Variants in CSMD1 observed in about 807,000 individuals in gnomAD.
The protein encoded by CSMD1 is CUB and Sushi multiple domains 1.
CSMD1 carries 213 observed loss-of-function variants against 417.5 expected under a neutral mutation model. The ratio of observed to expected loss-of-function variants is 0.51; its 90% confidence interval spans 0.46 to 0.57. The LOEUF (loss-of-function observed/expected upper bound fraction) is 0.57. CSMD1 is among the 20% of genes least tolerant of loss of function. The probability of loss-of-function intolerance (pLI) is 0.00; values close to 1 mark genes in which losing one functional copy is unlikely to be tolerated. For missense variants in CSMD1, 6,923 were observed against 4,529.7 expected (o/e 1.53, Z -15.17); for synonymous variants, 2,862 against 1,736.8 (o/e 1.65, Z -16.11).
Position 3,838,515 on chromosome 8 carries a change from T to C in CSMD1, c.819-84473A>G, listed in dbSNP as rs554567292. Among the ~76,000 whole-genome samples the C allele has an allele frequency of 5.5e-5, 7 of 127,078 alleles. No homozygotes were observed. In the South Asian group the frequency reaches 1.7e-3, roughly 30 times the overall value. 83.4% of individuals were successfully genotyped at this position (127,078 alleles called of 152,430 possible). A position where few individuals can be genotyped will look rare whatever the true frequency, so the allele number is the denominator to read the frequency against. On this transcript the variant is annotated intron_variant, in intron 5 of 69. Coordinates refer to ENST00000635120, the MANE Select transcript of CSMD1 (RefSeq NM_033225.6). ...TATATAGCCTAGGCTATATATAATA[T>C]AATATAGCCTATATATATAGTCTAT...
intron 2 of CSMD1, among the ~76,000 whole-genome samples, chr8:4,498,658 A>C (rs1322100222): frequency 1.3e-5 from 2 of 152,200 alleles, no homozygotes. Flanking sequence ...TTATCTGCAA[A>C]GAGGGAGCTC....
chr8:2,957,064 T>G (rs1803066942), intron 63 of CSMD1, among the ~76,000 whole-genome samples: 1 of 152,176 alleles, frequency 6.6e-6, no homozygotes, highest in Non-Finnish European at 1.5e-5. Context: ...CGCATTTCAC[T>G]AAATTCAGAG....
At chr8:3,775,790 G>C (rs1798858336) in intron 5 of CSMD1, among the ~76,000 whole-genome samples, 1 of 152,210 alleles carries the variant, frequency 6.6e-6, no homozygotes, top group Non-Finnish European at 1.5e-5. Context: ...ACGAAGCATT[G>C]CTGGGTGCTG....
intron 5 of CSMD1, among the ~76,000 whole-genome samples, chr8:3,966,837 T>C (rs1812709677): frequency 1.3e-5 from 2 of 152,238 alleles, no homozygotes; most frequent in South Asian, 4.1e-4. Flanking sequence ...ATCAATTCTG[T>C]ACAGACACTA....
At chr8:3,459,751 C>T (rs1319992046) in intron 12 of CSMD1, among the ~76,000 whole-genome samples, 9 of 151,912 alleles carry the variant, frequency 5.9e-5, no homozygotes, top group East Asian at 1.9e-4. Flanking sequence ...ATGAGGCTGC[C>T]GGCACATGAA....
intron 12 of CSMD1, among the ~76,000 whole-genome samples, chr8:3,413,378 T>C (rs994431798): frequency 2.4e-4 from 37 of 152,300 alleles, no homozygotes; most frequent in Middle Eastern, 3.4e-3. Context: ...GAGAGACCTG[T>C]GGTTAGCTGA....
intron 1 of CSMD1, among the ~76,000 whole-genome samples, chr8:4,644,882 A>C (rs1205350351): frequency 6.6e-6 from 1 of 152,164 alleles, no homozygotes; most frequent in East Asian, 1.9e-4. Context: ...TTGACATTCA[A>C]TTGTTGAAGC....
chr8:4,732,395 C>G (rs1237328305), intron 1 of CSMD1, among the ~76,000 whole-genome samples: 2 of 133,080 alleles, frequency 1.5e-5, no homozygotes, highest in African/African-American at 5.7e-5. Context: ...TGTTTTTCCC[C>G]TGAGATTCTC....
chr8:3,603,163 A>C (rs1292992728), intron 8 of CSMD1, among the ~76,000 whole-genome samples: 1 of 152,180 alleles, frequency 6.6e-6, no homozygotes, highest in Non-Finnish European at 1.5e-5. Context: ...GGTATTTCTT[A>C]AGTAGTTCTT....
intron 7 of CSMD1, among the ~76,000 whole-genome samples, chr8:3,632,638 A>C (rs933258995): frequency 6.6e-6 from 1 of 152,254 alleles, no homozygotes; most frequent in Non-Finnish European, 1.5e-5. Context: ...GAATTCCTTT[A>C]CATTTAAAAA....
rs185926176 is a variant in CSMD1, at chr8:3,047,065, G to T, written c.7660+5397C>A. ...TCTTCTAAAAATACAAAAATTAGCT[G>T]GGTGTGGTGGCGGGTGCCTGTAATC... is the stretch of plus-strand genomic sequence containing the variant. On this transcript the variant is annotated intron_variant, in intron 50 of 69. Transcript: ENST00000635120. 6.4e-3 allele frequency among the ~76,000 whole-genome samples: 980 copies of T among 152,026 alleles called. 9 individuals carry two copies. The highest frequency in any genetic ancestry group is 0.014 in the Middle Eastern group (4 of 294).
Position 4,009,534 on chromosome 8 carries a change from G to C in CSMD1, c.611-11424C>G, listed in dbSNP as rs143179078. 3.3e-3 allele frequency among the ~76,000 whole-genome samples: 509 copies of C among 152,294 alleles called. 1 individual carries two copies. Among genetic ancestry groups the C allele is most frequent in the Non-Finnish European group, 5.1e-3 (350 of 68,022 alleles). On this transcript the variant is annotated intron_variant, in intron 4 of 69. Coordinates refer to ENST00000635120, the MANE Select transcript of CSMD1 (RefSeq NM_033225.6). ...TAATATTCCTTCAGTGAATTTCTAA[G>C]TCATGATGTTAAATTTAAAAATGCA...
At chr8:4,517,772 C>A (rs1803205062) in intron 2 of CSMD1, among the ~76,000 whole-genome samples, 1 of 152,036 alleles carries the variant, frequency 6.6e-6, no homozygotes, top group Non-Finnish European at 1.5e-5. Context: ...GCTACCAAAG[C>A]CAAACTTAAA....
At chr8:3,861,242 C>T (rs559966453) in intron 5 of CSMD1, among the ~76,000 whole-genome samples, 7 of 152,298 alleles carry the variant, frequency 4.6e-5, no homozygotes, top group South Asian at 2.1e-4. Context: ...GGGTTTCTAA[C>T]GGAGACCAAC....
At chr8:4,920,417 C>G (rs1272516595) in intron 1 of CSMD1, among the ~76,000 whole-genome samples, 4 of 152,192 alleles carry the variant, frequency 2.6e-5, no homozygotes, top group Non-Finnish European at 5.9e-5. Flanking sequence ...TCACTCATAT[C>G]TTGAAAATCC....
At chr8:3,832,274 G>A (rs1356501612) in intron 5 of CSMD1, among the ~76,000 whole-genome samples, 1 of 152,168 alleles carries the variant, frequency 6.6e-6, no homozygotes, top group Admixed American at 6.6e-5. Context: ...CCTTATTCCT[G>A]AGTACACGGG....
Position 3,594,894 on chromosome 8 carries a change from G to A in CSMD1, c.1098-8634C>T, listed in dbSNP as rs571463691. On this transcript the variant is annotated intron_variant, in intron 8 of 69. Coordinates refer to ENST00000635120, the MANE Select transcript of CSMD1 (RefSeq NM_033225.6). ...TGAGAGCCCTGCAATAAATACCTTT[G>A]GAACTAATGTGAGCAAAAACCAGGA... Among the ~76,000 whole-genome samples, 3 of 152,072 alleles carry A rather than the reference G, an allele frequency of 2.0e-5. No homozygotes were observed. In the East Asian group the frequency reaches 5.8e-4, roughly 29 times the overall value.
chr8:3,983,201 G>A (rs1814030835), intron 5 of CSMD1, among the ~76,000 whole-genome samples: 1 of 150,112 alleles, frequency 6.7e-6, no homozygotes, highest in Admixed American at 6.7e-5. Flanking sequence ...CGCGATCTCA[G>A]CTCACTGCAA....
chr8:3,250,769 A>T (rs1025861566), intron 26 of CSMD1, among the ~76,000 whole-genome samples: 11 of 152,222 alleles, frequency 7.2e-5, no homozygotes, highest in African/African-American at 1.7e-4. Flanking sequence ...CTGGTGTGAG[A>T]CGATATCTCA....
Sources: allele counts gnomAD v4.1 joint callset (sites outside exome capture counted in the v4.1 genomes callset), GRCh38; gene constraint gnomAD v4.1.1; transcripts MANE v1.5; gene names NCBI Gene and HGNC (gene_info 2026-07-23, HGNC 2026-07-21).